COL9A1: variants seen among roughly 807,000 people sequenced by gnomAD.
COL9A1 encodes collagen alpha-1(IX) chain.
Under a neutral mutation model 142.6 loss-of-function variants are expected in COL9A1, and 104 were observed. The ratio of observed to expected loss-of-function variants is 0.73; its 90% CI spans 0.62 to 0.86. The LOEUF is 0.86. COL9A1 is among the 40% of genes least tolerant of loss of function. The probability of loss-of-function intolerance (pLI) is 0.00; values close to 1 mark genes in which losing one functional copy is unlikely to be tolerated. For missense variants in COL9A1, 1,210 were observed against 1,176.6 expected (o/e 1.03, Z -0.42); for synonymous variants, 466 against 396.0 (o/e 1.18, Z -2.10).
At chr6:70,262,128 T>A (rs55860958) in intron 19 of COL9A1, among the ~76,000 whole-genome samples, 21,026 of 151,414 alleles carry the variant, frequency 0.14, 1,658 homozygotes, top group Non-Finnish European at 0.18. Flanking sequence ...AAAATTTTTT[T>A]AAAAAACTTT....
intron 36 of COL9A1, among the ~76,000 whole-genome samples, chr6:70,227,180 A>C (rs951692476): frequency 7.9e-5 from 12 of 152,114 alleles, no homozygotes; most frequent in Admixed American, 2.0e-4. Context: ...AAATGGATCA[A>C]GTATTTTACT....
At chr6:70,277,935 C>A (rs1385514837) in intron 10 of COL9A1, among the ~76,000 whole-genome samples, 2 of 152,170 alleles carry the variant, frequency 1.3e-5, no homozygotes, top group South Asian at 2.1e-4. Context: ...CTTAGCTCCC[C>A]TATGGCCAAG....
chr6:70,256,074 C>G (rs1771270094), intron 21 of COL9A1, among the ~76,000 whole-genome samples: 1 of 152,172 alleles, frequency 6.6e-6, no homozygotes, highest in Admixed American at 6.5e-5. Context: ...CACACATAAC[C>G]CCATCACCAC....
In COL9A1 at chr6:70,227,960, G is replaced by A. The variant is rs577144618; in HGVS notation, c.2504-1951C>T. ...CATGTATCCTTATATAGAATTGCTT[G>A]TAAGGATATGTAAGAAAAGAATAGT... On this transcript the variant is annotated intron_variant, in intron 36 of 37. Transcript: ENST00000357250. Among the ~76,000 whole-genome samples, 8 of 152,186 alleles carry A rather than the reference G, an allele frequency of 5.3e-5. No individual in the cohort carries two copies. The East Asian group carries it at 1.5e-3, about 29-fold the overall frequency.
chr6:70,246,436 C>T (rs1448310130), intron 28 of COL9A1: 2 of 152,012 alleles, frequency 1.3e-5, no homozygotes, highest in Non-Finnish European at 2.9e-5. Context: ...AAGATGCAGA[C>T]CTTCTATCAC....
At chr6:70,298,391 A>G (rs1773929613) in intron 4 of COL9A1, among the ~76,000 whole-genome samples, 1 of 152,192 alleles carries the variant, frequency 6.6e-6, no homozygotes, top group African/African-American at 2.4e-5. Context: ...GTTTACTTGG[A>G]ATTCCACATG....
intron 37 of COL9A1, chr6:70,222,885 C>A (rs945261262): frequency 1.2e-4 from 19 of 152,090 alleles, no homozygotes; most frequent in African/African-American, 4.3e-4. Flanking sequence ...CAAATTACTG[C>A]ACAGAATCCT....
intron 37 of COL9A1, among the ~76,000 whole-genome samples, chr6:70,223,382 C>T (rs1769010735): frequency 6.6e-6 from 1 of 152,182 alleles, no homozygotes; most frequent in South Asian, 2.1e-4. Context: ...TTCTTGTTAT[C>T]ACTGTTTTAT....
chr6:70,270,203 G>T, intron 15 of COL9A1, 111 bp downstream of exon 15: 1 of 1,085,798 alleles, frequency 9.2e-7, no homozygotes, highest in Non-Finnish European at 1.4e-6. Context: ...TAGCCGTTTT[G>T]GAAATTTGGG....
In COL9A1 at chr6:70,255,038, T is replaced by C. The variant is rs1771189213; in HGVS notation, c.1612-22A>G. ...AACCCTAAACACACACAAAGAAACA[T>C]ACTGTCTCTTACACACAGTCACATT... On this transcript the variant is annotated intron_variant, in intron 23 of 37. Coordinates refer to ENST00000357250, the MANE Select transcript of COL9A1 (RefSeq NM_001851.6). 7.4e-6 allele frequency: 12 copies of C among 1,613,182 alleles called. No homozygotes were observed. In the South Asian group the frequency reaches 8.8e-5, roughly 12 times the overall value.
intron 10 of COL9A1, chr6:70,280,599 CCT>C (rs1773084025): frequency 1.5e-6 from 2 of 1,317,072 alleles, no homozygotes; most frequent in Admixed American, 5.7e-5. Context: ...AATGCCAACG[CCT>C]CCTAGAGAGA....
chr6:70,300,226 T>C (rs1409623634), intron 3 of COL9A1, 51 bp from the exon 4 acceptor site: 1 of 1,612,274 alleles, frequency 6.2e-7, no homozygotes, highest in African/African-American at 1.3e-5. Context: ...TTGGTTTTAT[T>C]TCTTTCCACA....
At chr6:70,231,763 T>C (rs1385228811) in intron 36 of COL9A1, among the ~76,000 whole-genome samples, 1 of 151,972 alleles carries the variant, frequency 6.6e-6, no homozygotes, top group Non-Finnish European at 1.5e-5. Context: ...CACGTCTTTC[T>C]GAAGTTCTCC....
At chr6:70,253,256 AC>A (rs935219771) in intron 26 of COL9A1, 128 bp downstream of exon 26, 2 of 651,812 alleles carry the variant, frequency 3.1e-6, no homozygotes, top group Non-Finnish European at 5.4e-6. Context: ...TAACACATTT[AC>A]CTTTTTATTT....
intron 10 of COL9A1, among the ~76,000 whole-genome samples, chr6:70,276,363 C>G (rs2127593837): frequency 6.6e-6 from 1 of 152,226 alleles, no homozygotes; most frequent in South Asian, 2.1e-4. Context: ...ATAAACCCTC[C>G]AAGACCAATT....
intron 19 of COL9A1, among the ~76,000 whole-genome samples, chr6:70,262,959 T>G (rs1257838143): frequency 6.6e-6 from 1 of 152,232 alleles, no homozygotes; most frequent in Non-Finnish European, 1.5e-5. Flanking sequence ...CATCCTTTTG[T>G]GCTTAGTATT....
At position 70,267,108 on chromosome 6, in the gene COL9A1, T is replaced by C. The variant is rs527446279; in HGVS notation, c.1288-338A>G. ...CGGGTTAGGAGCATTAAGTCTTCTC[T>C]AGTTCCGGTAACTTAACCTTTCAGA... On this transcript the variant is annotated intron_variant, in intron 17 of 37. Coordinates refer to ENST00000357250, the MANE Select transcript of COL9A1 (RefSeq NM_001851.6). Among the ~76,000 whole-genome samples the C allele has an allele frequency of 4.6e-5, 7 of 152,308 alleles. No homozygotes were observed. The South Asian group carries it at 1.2e-3, about 27-fold the overall frequency.
intron 8 of COL9A1, 30 bp downstream of exon 8, chr6:70,281,360 A>G (rs1381800312): frequency 1.7e-5 from 28 of 1,605,986 alleles, no homozygotes; most frequent in Non-Finnish European, 2.3e-5. Flanking sequence ...AGGACTGGGG[A>G]ACAGAGGTGG....
At chr6:70,251,527 A>T (rs923416344) in intron 28 of COL9A1, among the ~76,000 whole-genome samples, 1 of 152,218 alleles carries the variant, frequency 6.6e-6, no homozygotes, top group African/African-American at 2.4e-5. Flanking sequence ...AACCTGGGTG[A>T]TTGAGAGACA....
Sources: allele counts gnomAD v4.1 joint callset (sites outside exome capture counted in the v4.1 genomes callset), GRCh38; gene constraint gnomAD v4.1.1; transcripts MANE v1.5; gene names NCBI Gene and HGNC (gene_info 2026-07-23, HGNC 2026-07-21).